CARMIL1: variants seen among roughly 807,000 people sequenced by gnomAD.
CARMIL1 encodes the protein capping protein regulator and myosin 1 linker 1, also known as F-actin-uncapping protein LRRC16A.
A neutral mutation model predicts 177.1 loss-of-function variants in CARMIL1; 90 were observed. That is an observed-to-expected ratio of 0.51 (90% CI 0.43 to 0.61). CARMIL1 has a LOEUF of 0.61. Among genes scored for constraint, CARMIL1 ranks in the 20% least tolerant of loss-of-function variants. The pLI, the probability that CARMIL1 is intolerant of heterozygous loss-of-function variation, is 0.00. For missense variants in CARMIL1, 1,380 were observed against 1,667.0 expected (o/e 0.83, Z 3.00); for synonymous variants, 577 against 606.2 (o/e 0.95, Z 0.71).
intron 2 of CARMIL1, chr6:25,287,544 T>C (rs1781611818): frequency 6.5e-6 from 1 of 152,896 alleles, no homozygotes; most frequent in Non-Finnish European, 1.5e-5. Flanking sequence ...ATGATCATAA[T>C]AGCTAATATT....
intron 2 of CARMIL1, among the ~76,000 whole-genome samples, chr6:25,292,099 A>G (rs974102119): frequency 6.6e-6 from 1 of 152,218 alleles, no homozygotes; most frequent in Non-Finnish European, 1.5e-5. Context: ...ATGTTTGTAG[A>G]CTGCAATGTC....
intron 2 of CARMIL1, among the ~76,000 whole-genome samples, chr6:25,345,548 C>G (rs777565012): frequency 1.3e-5 from 2 of 152,222 alleles, no homozygotes; most frequent in Non-Finnish European, 2.9e-5. Flanking sequence ...CCTCCACAGT[C>G]ATTCCCATCT....
rs111920029 is a variant in CARMIL1, at chr6:25,532,749, G to A, written c.2067+3856G>A. ...TTATAAGACTCAACATTCTATTTTCGTTTTTGATGCCTTCTTTTCCAGATG... is the reference window on the plus strand; with the variant it reads ...TTATAAGACTCAACATTCTATTTTCATTTTTGATGCCTTCTTTTCCAGATG... On this transcript the variant is annotated intron_variant, in intron 24 of 36. Transcript: ENST00000329474. Among the ~76,000 whole-genome samples, 650 of 152,174 alleles carry A rather than the reference G, an allele frequency of 4.3e-3. 7 individuals are homozygous for A. The highest frequency in any genetic ancestry group is 0.025 in the South Asian group (120 of 4,810).
chr6:25,335,538 T>C (rs1398869791), intron 2 of CARMIL1, among the ~76,000 whole-genome samples: 1 of 152,254 alleles, frequency 6.6e-6, no homozygotes, highest in Non-Finnish European at 1.5e-5. Context: ...TGCTTAAATG[T>C]GAACAATTGT....
At chr6:25,465,045 G>C (rs868790577) in intron 8 of CARMIL1, among the ~76,000 whole-genome samples, 2 of 133,820 alleles carry the variant, frequency 1.5e-5, no homozygotes, top group Admixed American at 8.0e-5. Context: ...CTATCTTATG[G>C]ATGCAGTCAC....
intron 29 of CARMIL1, among the ~76,000 whole-genome samples, chr6:25,574,934 T>C (rs1271901342): frequency 1.3e-5 from 2 of 152,238 alleles, no homozygotes; most frequent in Non-Finnish European, 2.9e-5. Context: ...TTAAAAATGA[T>C]ATTAACCTCA....
chr6:25,359,657 G>A (rs185433663), intron 2 of CARMIL1, among the ~76,000 whole-genome samples: 1 of 152,176 alleles, frequency 6.6e-6, no homozygotes, highest in Non-Finnish European at 1.5e-5. Flanking sequence ...TTGGGATTGC[G>A]TTCCCTTGAC....
chr6:25,386,388 G>T (rs1262145419), intron 2 of CARMIL1, among the ~76,000 whole-genome samples: 1 of 152,092 alleles, frequency 6.6e-6, no homozygotes, highest in Non-Finnish European at 1.5e-5. Context: ...AGGTAGCTGG[G>T]ATTACAGGTG....
At chr6:25,527,151 G>A (rs920594180) in intron 23 of CARMIL1, among the ~76,000 whole-genome samples, 2 of 152,192 alleles carry the variant, frequency 1.3e-5, no homozygotes, top group Non-Finnish European at 2.9e-5. Context: ...GGGGAGCCCA[G>A]TAAACCTGAC....
chr6:25,366,792 G>A (rs755452616), intron 2 of CARMIL1, among the ~76,000 whole-genome samples: 5 of 152,074 alleles, frequency 3.3e-5, no homozygotes, highest in Non-Finnish European at 5.9e-5. Context: ...TTTAAAAATG[G>A]TTGTGTCAGT....
In CARMIL1 at chr6:25,426,555, G is replaced by A; in HGVS notation, c.244G>A (p.Ala82Thr). The A allele has an allele frequency of 6.2e-7, 1 of 1,611,600 alleles. No individual in the cohort carries two copies. Residue 82 changes from alanine to threonine, a missense_variant, in exon 4 of 37, where the codon GCT (alanine) becomes ACT (threonine). Ala to Thr is a moderately conservative substitution (Grantham distance 58). Coordinates refer to ENST00000329474, the MANE Select transcript of CARMIL1 (RefSeq NM_017640.6). ...EIHGVVCSKS[A>T]QMIVETEKCS... Reference sequence around the variant, plus strand: ...TCATGGCGTCGTTTGCAGCAAGTCAGCTCAGGTGAGTGTGAAAAATGGATC... The same window carrying A: ...TCATGGCGTCGTTTGCAGCAAGTCAACTCAGGTGAGTGTGAAAAATGGATC...
chr6:25,431,051 C>G (rs145843887), intron 4 of CARMIL1, among the ~76,000 whole-genome samples: 11 of 151,976 alleles, frequency 7.2e-5, no homozygotes, highest in African/African-American at 2.4e-4. Flanking sequence ...TTTTAGGGTA[C>G]ATGTGCACAA....
At chr6:25,607,623 C>G (rs1816105023) in intron 35 of CARMIL1, among the ~76,000 whole-genome samples, 1 of 152,192 alleles carries the variant, frequency 6.6e-6, no homozygotes, top group Non-Finnish European at 1.5e-5. Flanking sequence ...AAGTAGGATG[C>G]ACAGCTCATC....
chr6:25,522,676 A>G (rs1806690629), intron 23 of CARMIL1, among the ~76,000 whole-genome samples: 1 of 152,324 alleles, frequency 6.6e-6, no homozygotes. Context: ...TGGCCTTGCA[A>G]CATTGATTTA....
chr6:25,320,987 G>T (rs1784626349), intron 2 of CARMIL1, among the ~76,000 whole-genome samples: 1 of 152,202 alleles, frequency 6.6e-6, no homozygotes, highest in Non-Finnish European at 1.5e-5. Context: ...ACTGCATGTG[G>T]CCCATGGGCC....
At chr6:25,599,018 T>A (rs1815128297) in intron 32 of CARMIL1, among the ~76,000 whole-genome samples, 1 of 152,260 alleles carries the variant, frequency 6.6e-6, no homozygotes, top group African/African-American at 2.4e-5. Flanking sequence ...CCCTGTTTCG[T>A]GATCCTCACT....
chr6:25,471,261 A>C lies in CARMIL1; in HGVS notation c.779+4A>C. The C allele has an allele frequency of 6.2e-7, 1 of 1,600,186 alleles. No homozygotes were observed. ...TGGAAAATGCTGGACTTAGAACGTG[A>C]GTATTTTCCTGAATATATAAATATG... On this transcript the variant is annotated splice_donor_region_variant and intron_variant, in intron 10 of 36. Coordinates refer to ENST00000329474, the MANE Select transcript of CARMIL1 (RefSeq NM_017640.6).
chr6:25,345,120 G>A (rs1313891590), intron 2 of CARMIL1, among the ~76,000 whole-genome samples: 3 of 151,946 alleles, frequency 2.0e-5, no homozygotes, highest in Non-Finnish European at 4.4e-5. Flanking sequence ...TGTGCTTTTC[G>A]GGGCCACGGG....
intron 5 of CARMIL1, among the ~76,000 whole-genome samples, chr6:25,444,889 A>T (rs1369648429): frequency 6.6e-6 from 1 of 152,242 alleles, no homozygotes; most frequent in Non-Finnish European, 1.5e-5. Context: ...GTATATACCC[A>T]GTAATGGGAT....
Sources: allele counts gnomAD v4.1 joint callset (sites outside exome capture counted in the v4.1 genomes callset), GRCh38; gene constraint gnomAD v4.1.1; transcripts MANE v1.5; gene names NCBI Gene and HGNC (gene_info 2026-07-23, HGNC 2026-07-21).